TNNI3K: variants seen among roughly 807,000 people sequenced by gnomAD.
The protein encoded by TNNI3K is serine/threonine-protein kinase TNNI3K.
A neutral mutation model predicts 114.5 loss-of-function variants in TNNI3K; 140 were observed. That is an observed-to-expected ratio of 1.22 (90% CI 1.07 to 1.41). The LOEUF (loss-of-function observed/expected upper bound fraction) is 1.41, where lower values mean the gene tolerates loss of function less well. Ranked by LOEUF, TNNI3K falls within the 40% of genes most tolerant of loss-of-function variation. The pLI, the probability that TNNI3K is intolerant of heterozygous loss-of-function variation, is 0.00. For missense variants in TNNI3K, 1,125 were observed against 1,007.6 expected, an observed-to-expected ratio of 1.12 and a Z score of -1.58; for synonymous variants, 347 against 347.5, an observed-to-expected ratio of 1.00 and a Z score of 0.02.
intron 23 of TNNI3K, among the ~76,000 whole-genome samples, chr1:74,512,314 A>T (rs1414866622): frequency 1.3e-5 from 2 of 152,204 alleles, no homozygotes; most frequent in Non-Finnish European, 2.9e-5. Flanking sequence ...TGAACCCAAG[A>T]TTGGCCCCTA....
intron 5 of TNNI3K, among the ~76,000 whole-genome samples, chr1:74,320,169 A>T (rs1446240426): frequency 1.3e-5 from 2 of 152,214 alleles, no homozygotes; most frequent in South Asian, 2.1e-4. Flanking sequence ...ACATGGTTTA[A>T]TATAACCAAC....
chr1:74,277,117 A>G (rs1226945993), intron 5 of TNNI3K, among the ~76,000 whole-genome samples: 3 of 152,178 alleles, frequency 2.0e-5, no homozygotes, highest in Non-Finnish European at 4.4e-5. Context: ...AGGCATGGAA[A>G]AGGAAAAATA....
intron 2 of TNNI3K, among the ~76,000 whole-genome samples, chr1:74,243,177 A>G (rs1039387636): frequency 1.3e-5 from 2 of 150,398 alleles, no homozygotes; most frequent in African/African-American, 4.8e-5. Context: ...CACTCTAACT[A>G]TAATTGTTTA....
At chr1:74,359,543 T>A (rs183624764) in intron 11 of TNNI3K, among the ~76,000 whole-genome samples, 21 of 152,170 alleles carry the variant, frequency 1.4e-4, no homozygotes, top group Admixed American at 5.9e-4. Flanking sequence ...TTCTTATTTA[T>A]GGCTCAAGTT....
intron 23 of TNNI3K, among the ~76,000 whole-genome samples, chr1:74,530,439 TG>T (rs1646566641): frequency 6.6e-6 from 1 of 152,184 alleles, no homozygotes; most frequent in Non-Finnish European, 1.5e-5. Flanking sequence ...GGGCAAATTT[TG>T]TAAGTTTTGT....
At chr1:74,419,859 A>G (rs988313611) in intron 17 of TNNI3K, among the ~76,000 whole-genome samples, 1 of 152,128 alleles carries the variant, frequency 6.6e-6, no homozygotes. Context: ...TGGGATGACT[A>G]TGATGTTCCA....
At chr1:74,313,295 A>G (rs1659102684) in intron 5 of TNNI3K, among the ~76,000 whole-genome samples, 2 of 151,990 alleles carry the variant, frequency 1.3e-5, no homozygotes, top group South Asian at 4.1e-4. Flanking sequence ...CACATATTTT[A>G]TTTATCCACT....
intron 2 of TNNI3K, among the ~76,000 whole-genome samples, chr1:74,244,220 C>T (rs1654418893): frequency 6.6e-6 from 1 of 152,108 alleles, no homozygotes; most frequent in Non-Finnish European, 1.5e-5. Flanking sequence ...TCACACTTGA[C>T]TGCCAAATAT....
chr1:74,391,233 A>G (rs1386083901), intron 17 of TNNI3K, among the ~76,000 whole-genome samples: 8 of 152,232 alleles, frequency 5.3e-5, no homozygotes, highest in Admixed American at 3.9e-4. Flanking sequence ...TATGGAGGTT[A>G]TATTTTATTA....
At chr1:74,272,080 A>C (rs1557465343) in intron 5 of TNNI3K, among the ~76,000 whole-genome samples, 1 of 151,954 alleles carries the variant, frequency 6.6e-6, no homozygotes, top group Non-Finnish European at 1.5e-5. Context: ...TAGATAATTT[A>C]TATAAATCAC....
chr1:74,355,173 T>G (rs1414279592), intron 11 of TNNI3K, among the ~76,000 whole-genome samples: 1 of 152,234 alleles, frequency 6.6e-6, no homozygotes, highest in Non-Finnish European at 1.5e-5. Flanking sequence ...GCATTGTCTT[T>G]TTACAATATT....
chr1:74,528,667 T>C (rs1013201421), intron 23 of TNNI3K, among the ~76,000 whole-genome samples: 3 of 152,326 alleles, frequency 2.0e-5, no homozygotes, highest in African/African-American at 7.2e-5. Context: ...GAACTGGAGA[T>C]GTTGCTGGAA....
At chr1:74,344,839 A>G (rs981125295) in intron 9 of TNNI3K, among the ~76,000 whole-genome samples, 1 of 152,118 alleles carries the variant, frequency 6.6e-6, no homozygotes, top group Non-Finnish European at 1.5e-5. Flanking sequence ...TTTTTGTTAT[A>G]TTCATTTTAA....
chr1:74,238,873 C>A (rs1024640604), intron 2 of TNNI3K, among the ~76,000 whole-genome samples: 1 of 151,996 alleles, frequency 6.6e-6, no homozygotes, highest in Admixed American at 6.6e-5. Context: ...GAGATGGAGA[C>A]TGTAGTACTT....
At chr1:74,272,995 G>GGATGT (rs1437809859) in intron 5 of TNNI3K, among the ~76,000 whole-genome samples, 1 of 2,626 alleles carries the variant, frequency 3.8e-4, no homozygotes, top group Admixed American at 8.8e-3. Context: ...TTATTAAATA[G>GGATGT]TTATGTTCCC....
At chr1:74,416,678 T>C in intron 17 of TNNI3K, 1 of 565,216 alleles carries the variant, frequency 1.8e-6, no homozygotes. Flanking sequence ...TTTTTCTTAT[T>C]CTTACATTAA....
chr1:74,497,699 A>G (rs1669401709), intron 23 of TNNI3K, among the ~76,000 whole-genome samples: 1 of 151,858 alleles, frequency 6.6e-6, no homozygotes, highest in African/African-American at 2.4e-5. Context: ...AACATCTTTA[A>G]CTTCTCTCCT....
intron 5 of TNNI3K, among the ~76,000 whole-genome samples, chr1:74,324,073 C>T (rs553651271): frequency 6.6e-6 from 1 of 152,304 alleles, no homozygotes; most frequent in South Asian, 2.1e-4. Context: ...CTTGAGGTCT[C>T]CCTCACAAGA....
chr1:74,271,535 G>C (rs754504050), intron 4 of TNNI3K, 63 bp from the exon 5 acceptor site: 311 of 1,466,088 alleles, frequency 2.1e-4, no homozygotes, highest in Non-Finnish European at 2.7e-4. Context: ...AATACATCCT[G>C]TTGCACAGCT....
Sources: gnomAD v4.1 joint callset for allele counts (sites outside exome capture counted in the v4.1 genomes callset) on GRCh38, gnomAD v4.1.1 for gene constraint, MANE v1.5 for transcripts, NCBI Gene and HGNC (gene_info 2026-07-23, HGNC 2026-07-21) for gene names.